Variants in WSCD2 observed in about 807,000 individuals in gnomAD.
WSCD2 encodes the protein WSC domain sialate O sulfotransferase 2, also known as sialate:O-sulfotransferase 2.
A neutral mutation model predicts 55.7 loss-of-function variants in WSCD2; 28 were observed. The observed-to-expected ratio is 0.50, with a 90% CI of 0.37 to 0.69. The LOEUF is 0.69. WSCD2 is among the 30% of genes least tolerant of loss of function. The pLI is 0.00. For missense variants in WSCD2, 616 were observed against 762.1 expected (o/e 0.81, Z 2.26); for synonymous variants, 301 against 301.9 (o/e 1.00, Z 0.03).
chr12:108,149,061 C>A (rs1451833163), intron 1 of WSCD2, among the ~76,000 whole-genome samples: 3 of 152,216 alleles, frequency 2.0e-5, no homozygotes, highest in African/African-American at 7.2e-5. Flanking sequence ...TCAAAGGATT[C>A]TCACTGGCGT....
In WSCD2 at chr12:108,240,375, C is replaced by A; in HGVS notation, c.1176C>A (p.Ser392Arg). Residue 392 changes from serine (S) to arginine (R), a missense_variant, in exon 8 of 9, where the codon AGC becomes AGA. By Grantham distance (110) the Ser-to-Arg change is moderately radical (BLOSUM62 -1). This residue lies in a region of WSCD2 where 234 missense variants were observed against 264.6 expected (regional missense o/e 0.88). Coordinates refer to ENST00000547525, the MANE Select transcript of WSCD2 (RefSeq NM_014653.4). ...AAGGTGAGCGGGACCACTGGCGCAG[C>A]GGACGGACCATCTGCATCAAGACGC... ...GFKGERDHWR[S>R]GRTICIKTHE... is the part of the protein sequence containing the mutation. The A allele has an allele frequency of 6.2e-7, 1 of 1,614,124 alleles. No homozygotes were observed. Among genetic ancestry groups the A allele is most frequent in the Non-Finnish European group, 8.5e-7 (1 of 1,180,030 alleles).
chr12:108,204,523 T>A (rs1181690187), intron 2 of WSCD2, among the ~76,000 whole-genome samples: 2 of 152,174 alleles, frequency 1.3e-5, no homozygotes, highest in Non-Finnish European at 2.9e-5. Context: ...TTCTCCCAGC[T>A]CAGGTGTGAA....
At chr12:108,144,210 G>A (rs1037866223) in intron 1 of WSCD2, among the ~76,000 whole-genome samples, 12 of 152,128 alleles carry the variant, frequency 7.9e-5, no homozygotes, top group South Asian at 2.1e-4. Flanking sequence ...CTGTCTGTAC[G>A]TTGAGAGCTC....
chr12:108,225,595 G>A (rs1372428092), intron 5 of WSCD2, among the ~76,000 whole-genome samples: 1 of 136,222 alleles, frequency 7.3e-6, no homozygotes, highest in Non-Finnish European at 1.6e-5. Flanking sequence ...GCAGAGGCCA[G>A]GCAGCAGTGT....
At chr12:108,153,707 C>T (rs1042522091) in intron 1 of WSCD2, among the ~76,000 whole-genome samples, 8 of 152,188 alleles carry the variant, frequency 5.3e-5, no homozygotes, top group African/African-American at 1.9e-4. Flanking sequence ...CTGGTGGCTG[C>T]ACAGAGGGAG....
intron 3 of WSCD2, among the ~76,000 whole-genome samples, chr12:108,208,085 G>A (rs1316899176): frequency 6.6e-6 from 1 of 152,170 alleles, no homozygotes; most frequent in Non-Finnish European, 1.5e-5. Context: ...ATTCAATTTG[G>A]TTCAGCAAAT....
At chr12:108,173,762 C>CCAAT (rs1010586759) in intron 1 of WSCD2, among the ~76,000 whole-genome samples, 1 of 149,948 alleles carries the variant, frequency 6.7e-6, no homozygotes, top group African/African-American at 2.5e-5. Context: ...TTTATTTGAT[C>CCAAT]CAATCAGAAG....
intron 1 of WSCD2, among the ~76,000 whole-genome samples, chr12:108,145,449 C>G (rs1877286217): frequency 6.6e-6 from 1 of 152,186 alleles, no homozygotes; most frequent in African/African-American, 2.4e-5. Context: ...GCTTCCCAGG[C>G]TAACATTCCA....
intron 2 of WSCD2, 62 bp from the exon 3 acceptor site, chr12:108,206,227 T>C: frequency 7.1e-7 from 1 of 1,410,632 alleles, no homozygotes; most frequent in Non-Finnish European, 1.0e-6. Flanking sequence ...TTGGTGAGGC[T>C]TCCTCCTGTA....
At chr12:108,212,766 C>A (rs544844438) in intron 4 of WSCD2, among the ~76,000 whole-genome samples, 1 of 152,280 alleles carries the variant, frequency 6.6e-6, no homozygotes, top group East Asian at 1.9e-4. Context: ...CTGTGTGGCA[C>A]AATTATTTGG....
chr12:108,221,629 C>A (rs1887530107), intron 4 of WSCD2, among the ~76,000 whole-genome samples: 1 of 152,190 alleles, frequency 6.6e-6, no homozygotes, highest in Non-Finnish European at 1.5e-5. Flanking sequence ...TCTGGATGTG[C>A]ATGTGCTCAT....
At position 108,195,804 on chromosome 12, in the gene WSCD2, C is replaced by A. The variant is rs1883835523; in HGVS notation, c.-29C>A. 6.4e-7 allele frequency: 1 copy of A among 1,572,354 alleles called. No homozygotes were observed. The highest frequency in any genetic ancestry group is 8.6e-7 in the Non-Finnish European group (1 of 1,156,948). The stretch of plus-strand genomic sequence containing the variant: ...CTCTCCCAAGCACCCCAGCCAAGCC[C>A]CAGAGAGCCAGTCCGGAATGATCCC... On this transcript the variant is annotated 5_prime_UTR_variant, in exon 2 of 9. Transcript: ENST00000547525.
chr12:108,206,554 G>C (rs752317080), intron 3 of WSCD2, 151 bp downstream of exon 3: 196 of 730,196 alleles, frequency 2.7e-4, no homozygotes, highest in Non-Finnish European at 4.1e-4. Context: ...TGTGCATTGT[G>C]TGTATGTGCA....
intron 8 of WSCD2, 103 bp from the exon 9 acceptor site, chr12:108,247,888 A>G: frequency 2.4e-6 from 3 of 1,244,044 alleles, no homozygotes; most frequent in Non-Finnish European, 3.4e-6. Flanking sequence ...TAATTGTGTT[A>G]CCGTGTTGTG....
At chr12:108,246,304 G>C (rs760410437) in intron 8 of WSCD2, among the ~76,000 whole-genome samples, 1 of 152,226 alleles carries the variant, frequency 6.6e-6, no homozygotes, top group African/African-American at 2.4e-5. Context: ...TTAAGAAGCA[G>C]CTGGGCTCCC....
At chr12:108,166,007 A>G (rs572805323) in intron 1 of WSCD2, among the ~76,000 whole-genome samples, 1 of 152,346 alleles carries the variant, frequency 6.6e-6, no homozygotes, top group Admixed American at 6.5e-5. Context: ...GTCATCAGAG[A>G]TATTGAAGGA....
In WSCD2 at chr12:108,131,041, C is replaced by T. The variant is rs968187620; in HGVS notation, c.-552+1115C>T. 5.9e-5 allele frequency among the ~76,000 whole-genome samples: 9 copies of T among 152,124 alleles called. 1 individual carries two copies. Among genetic ancestry groups the T allele is most frequent in the African/African-American group, 2.2e-4 (9 of 41,408 alleles). On this transcript the variant is annotated intron_variant, in intron 1 of 8. Coordinates refer to ENST00000547525, the MANE Select transcript of WSCD2 (RefSeq NM_014653.4). ...CATCTGCCTCTGCGGAGTAGCATTG[C>T]TGTGTTGTTTTTAAGACAGTTCTTG...
chr12:108,172,506 T>C (rs1880346083), intron 1 of WSCD2, among the ~76,000 whole-genome samples: 1 of 152,184 alleles, frequency 6.6e-6, no homozygotes. Context: ...CTAGTTAAGT[T>C]GAGGACATAC....
chr12:108,231,410 C>G (rs1360566287), intron 6 of WSCD2, among the ~76,000 whole-genome samples: 1 of 152,200 alleles, frequency 6.6e-6, no homozygotes, highest in African/African-American at 2.4e-5. Context: ...GTGGGAGGTG[C>G]TGGGGCTTGC....
Sources: allele counts gnomAD v4.1 joint callset (sites outside exome capture counted in the v4.1 genomes callset), GRCh38; gene constraint gnomAD v4.1.1; regional missense constraint gnomAD v4.1.1; transcripts MANE v1.5; gene names NCBI Gene and HGNC (gene_info 2026-07-23, HGNC 2026-07-21).